The following ASIP variants were observed in gnomAD, a reference collection of about 807,000 sequenced individuals.
The protein encoded by ASIP is agouti signaling protein, also known as agouti-signaling protein.
In ASIP, 11 loss-of-function variants were observed where a neutral mutation model predicts 10.3. The ratio of observed to expected loss-of-function variants is 1.07; its 90% CI spans 0.68 to 1.78. The LOEUF (loss-of-function observed/expected upper bound fraction) is 1.78, where lower values mean the gene tolerates loss of function less well. Among genes scored for constraint, ASIP ranks in the 40% most tolerant of loss-of-function variants. The pLI, the probability that ASIP is intolerant of heterozygous loss-of-function variation, is 0.00. For synonymous variants in ASIP, 70 were observed against 70.8 expected (o/e 0.99, Z 0.06); for missense variants, 180 against 169.2 (o/e 1.06, Z -0.35).
At chr20:34,257,070 C>CTTTTTTTTTTTTTTTTTTTTTTTT (rs56227909) in intron 1 of ASIP, among the ~76,000 whole-genome samples, 3 of 139,442 alleles carry the variant, frequency 2.2e-5, no homozygotes, top group Non-Finnish European at 3.1e-5. Context: ...CTTTCTTTCT[C>CTTTTTTTTTTTTTTTTTTTTTTTT]TTTTTTTTTT....
chr20:34,235,868 A>AAGGAG (rs2035187686), intron 1 of ASIP, among the ~76,000 whole-genome samples: 1 of 26,614 alleles, frequency 3.8e-5, no homozygotes, highest in East Asian at 1.2e-3. Context: ...AAGGAAGGAA[A>AAGGAG]GGAAGGAAGG....
intron 1 of ASIP, among the ~76,000 whole-genome samples, chr20:34,199,791 A>C (rs960863655): frequency 6.6e-6 from 1 of 152,232 alleles, no homozygotes; most frequent in Non-Finnish European, 1.5e-5. Context: ...AAAAGAAAAA[A>C]TAAAAATCCT....
rs569609137 is a variant in ASIP at position 34,263,794 on chromosome 20, G to A, written c.222+901G>A. Reference sequence around the variant, plus strand: ...AGCGATTCTCATGCCTCAGCCTCCCGAGTAGCTGGAATTACAGGCACATGC... The same window carrying A: ...AGCGATTCTCATGCCTCAGCCTCCCAAGTAGCTGGAATTACAGGCACATGC... On this transcript the variant is annotated intron_variant, in intron 3 of 3. Transcript: ENST00000374954. Among the ~76,000 whole-genome samples the A allele has an allele frequency of 2.0e-4, 30 of 151,316 alleles. No individual in the cohort carries two copies. The South Asian group carries it at 2.1e-3, about 11-fold the overall frequency.
intron 2 of ASIP, among the ~76,000 whole-genome samples, chr20:34,262,553 C>T (rs577458771): frequency 5.9e-5 from 9 of 152,298 alleles, no homozygotes; most frequent in African/African-American, 2.2e-4. Context: ...GGTCGAGGGA[C>T]CAGGCCCCAC....
At chr20:34,227,867 G>A (rs1418595210) in intron 1 of ASIP, among the ~76,000 whole-genome samples, 1 of 152,152 alleles carries the variant, frequency 6.6e-6, no homozygotes, top group Non-Finnish European at 1.5e-5. Flanking sequence ...CTGACTTCCA[G>A]ACTTGGAGAA....
intron 1 of ASIP, chr20:34,246,560 G>C: frequency 1.2e-6 from 1 of 852,714 alleles, no homozygotes. Flanking sequence ...CTGCCTCCGG[G>C]CTCAAGCAAT....
chr20:34,227,253 T>C (rs1289543469), intron 1 of ASIP, among the ~76,000 whole-genome samples: 1 of 152,054 alleles, frequency 6.6e-6, no homozygotes, highest in Non-Finnish European at 1.5e-5. Context: ...ACCAAAAATA[T>C]TAAATTTTTA....
intron 1 of ASIP, among the ~76,000 whole-genome samples, chr20:34,253,746 T>C (rs943082441): frequency 2.6e-5 from 4 of 152,068 alleles, no homozygotes; most frequent in Non-Finnish European, 5.9e-5. Flanking sequence ...GCTGGGCTTA[T>C]AGGCGTGAGT....
rs192170225 is a variant in ASIP at position 34,199,356 on chromosome 20, A to G, written c.-11+4596A>G. Reference sequence around the variant, plus strand: ...TTCTATCTAGAAGTAGAATTGCTGAATCATAGGACATGTGTGTTCCGCTTT... The same window carrying G: ...TTCTATCTAGAAGTAGAATTGCTGAGTCATAGGACATGTGTGTTCCGCTTT... On this transcript the variant is annotated intron_variant, in intron 1 of 3. Coordinates refer to the ASIP transcript ENST00000568305. 3.4e-4 allele frequency among the ~76,000 whole-genome samples: 52 copies of G among 152,112 alleles called. 1 individual carries two copies. The highest frequency in any genetic ancestry group is 6.8e-3 in the Middle Eastern group (2 of 294).
upstream of ASIP, among the ~76,000 whole-genome samples, chr20:34,193,882 C>T (rs2034838951): frequency 6.6e-6 from 1 of 152,184 alleles, no homozygotes; most frequent in Non-Finnish European, 1.5e-5. Flanking sequence ...TCCGAGGAAC[C>T]TAAATGTCTG....
At chr20:34,234,490 T>C (rs1251384727) in intron 1 of ASIP, among the ~76,000 whole-genome samples, 1 of 151,668 alleles carries the variant, frequency 6.6e-6, no homozygotes, top group African/African-American at 2.4e-5. Context: ...CTTTTCTCTT[T>C]TCTTTTCTTT....
intron 1 of ASIP, chr20:34,214,519 A>G (rs1374790200): frequency 2.0e-6 from 3 of 1,507,952 alleles, no homozygotes; most frequent in Non-Finnish European, 2.8e-6. Flanking sequence ...CAGCAATCTT[A>G]TTGCTACTTC....
chr20:34,218,310 C>T (rs951897961), intron 1 of ASIP, among the ~76,000 whole-genome samples: 3 of 152,128 alleles, frequency 2.0e-5, no homozygotes, highest in African/African-American at 7.2e-5. Context: ...AATGACAGAG[C>T]CCACAAGCAG....
chr20:34,188,525 C>G, the ASIP span, among the ~76,000 whole-genome samples: 1 of 152,076 alleles, frequency 6.6e-6, no homozygotes, highest in Non-Finnish European at 1.5e-5. Flanking sequence ...TAACATATTC[C>G]TTTTTAATCA....
intron 1 of ASIP, among the ~76,000 whole-genome samples, chr20:34,254,238 T>C (rs1270564681): frequency 2.0e-5 from 3 of 152,172 alleles, no homozygotes; most frequent in African/African-American, 7.2e-5. Context: ...AATTTTTGTA[T>C]TTTTAGTAGA....
intron 1 of ASIP, among the ~76,000 whole-genome samples, chr20:34,196,932 T>C (rs2034861441): frequency 6.6e-6 from 1 of 152,192 alleles, no homozygotes; most frequent in Non-Finnish European, 1.5e-5. Context: ...GGATTTGACA[T>C]TCAGGTATTT....
At chr20:34,216,203 C>A (rs1200962904) in intron 1 of ASIP, among the ~76,000 whole-genome samples, 2 of 152,358 alleles carry the variant, frequency 1.3e-5, no homozygotes, top group African/African-American at 2.4e-5. Context: ...AGCAAGCAAG[C>A]GGGCGGGGTC....
chr20:34,199,531 T>C (rs2034879814), intron 1 of ASIP, among the ~76,000 whole-genome samples: 1 of 152,332 alleles, frequency 6.6e-6, no homozygotes, highest in African/African-American at 2.4e-5. Context: ...AGTGGAATGC[T>C]TCTTTATTTT....
intron 1 of ASIP, among the ~76,000 whole-genome samples, chr20:34,201,668 G>A (rs2034900845): frequency 6.6e-6 from 1 of 152,220 alleles, no homozygotes; most frequent in African/African-American, 2.4e-5. Context: ...AGGGAATGTG[G>A]TTTGTCACAC....
Sources: allele counts gnomAD v4.1 joint callset (sites outside exome capture counted in the v4.1 genomes callset), GRCh38; gene constraint gnomAD v4.1.1; transcripts MANE v1.5; gene names NCBI Gene and HGNC (gene_info 2026-07-23, HGNC 2026-07-21).